Variants in RHOA observed in about 807,000 individuals in gnomAD.
RHOA encodes transforming protein RhoA.
Under a neutral mutation model 17.5 loss-of-function variants are expected in RHOA, and 3 were observed. The observed-to-expected ratio is 0.17, with a 90% confidence interval of 0.08 to 0.44. RHOA has a LOEUF of 0.44. RHOA is among the 20% of genes least tolerant of loss of function. The pLI is 0.99. For missense variants in RHOA, 56 were observed against 242.3 expected (o/e 0.23, Z 5.10); for synonymous variants, 98 against 88.4 (o/e 1.11, Z -0.61).
At chr3:49,400,908 T>TA (rs1281002940) in intron 1 of RHOA, among the ~76,000 whole-genome samples, 1 of 150,892 alleles carries the variant, frequency 6.6e-6, no homozygotes, top group Non-Finnish European at 1.5e-5. Flanking sequence ...TAGCCGGGCA[T>TA]AGTGGCGGGC....
chr3:49,387,135 A>C (rs1220527175), intron 1 of RHOA, among the ~76,000 whole-genome samples: 13 of 118,178 alleles, frequency 1.1e-4, no homozygotes, highest in South Asian at 2.6e-4. Context: ...AAAAAAAAAA[A>C]AAAAAAAAAA....
At chr3:49,365,833 C>T (rs1397362060) in intron 3 of RHOA, among the ~76,000 whole-genome samples, 4 of 152,018 alleles carry the variant, frequency 2.6e-5, no homozygotes, top group African/African-American at 9.7e-5. Flanking sequence ...TCAGGTGATC[C>T]GCCTACCTCA....
rs1392517672 is a variant in RHOA at position 49,360,204 on chromosome 3, A to G, written c.*5T>C. On this transcript the variant is annotated 3_prime_UTR_variant, in exon 5 of 5. Coordinates refer to ENST00000418115, the MANE Select transcript of RHOA (RefSeq NM_001664.4). ...CCGCATAAGGGCTGTGCTTGCAGCA[A>G]GGTTTCACAAGACAAGGCACCCAGA... 3.7e-6 allele frequency: 6 copies of G among 1,612,414 alleles called. No individual in the cohort carries two copies. Among genetic ancestry groups the G allele is most frequent in the Non-Finnish European group, 5.1e-6 (6 of 1,179,562 alleles).
chr3:49,393,713 T>C (rs1168131230), intron 1 of RHOA, among the ~76,000 whole-genome samples: 2 of 135,242 alleles, frequency 1.5e-5, no homozygotes, highest in African/African-American at 6.3e-5. Context: ...TGTGTGTGTG[T>C]GTGTGTGTGT....
intron 1 of RHOA, among the ~76,000 whole-genome samples, chr3:49,384,222 CA>C (rs1397000462): frequency 6.6e-6 from 1 of 152,128 alleles, no homozygotes; most frequent in African/African-American, 2.4e-5. Context: ...GTAAAAAGTA[CA>C]AGCACAGAAA....
chr3:49,389,392 T>A (rs1382591251), intron 1 of RHOA, among the ~76,000 whole-genome samples: 1 of 151,932 alleles, frequency 6.6e-6, no homozygotes, highest in Non-Finnish European at 1.5e-5. Flanking sequence ...AAGAAGAATG[T>A]GTGAGCTTAG....
chr3:49,411,082 G>A (rs1445182958), intron 1 of RHOA, among the ~76,000 whole-genome samples: 1 of 152,070 alleles, frequency 6.6e-6, no homozygotes, highest in Non-Finnish European at 1.5e-5. Flanking sequence ...CAGCGACTTC[G>A]ACTAAGCAAC....
At chr3:49,393,014 T>C (rs1225011377) in intron 1 of RHOA, among the ~76,000 whole-genome samples, 2 of 151,820 alleles carry the variant, frequency 1.3e-5, no homozygotes, top group Non-Finnish European at 2.9e-5. Context: ...CCGTCTCTAC[T>C]AAAAATACAA....
intron 3 of RHOA, among the ~76,000 whole-genome samples, chr3:49,363,411 G>A (rs1342179363): frequency 6.6e-6 from 1 of 152,096 alleles, no homozygotes; most frequent in Non-Finnish European, 1.5e-5. Context: ...GCAAGACTCC[G>A]TCTCAAATAA....
intron 1 of RHOA, among the ~76,000 whole-genome samples, chr3:49,381,302 G>T (rs2048312625): frequency 6.6e-6 from 1 of 151,906 alleles, no homozygotes; most frequent in Admixed American, 6.6e-5. Flanking sequence ...CTACTCGAGA[G>T]GCTGAGGCAG....
chr3:49,402,889 T>C (rs2048748327), intron 1 of RHOA, among the ~76,000 whole-genome samples: 1 of 151,292 alleles, frequency 6.6e-6, no homozygotes, highest in Non-Finnish European at 1.5e-5. Flanking sequence ...CACAAAAAAT[T>C]AGCCGGGCGT....
chr3:49,398,021 A>C (rs952245905), intron 1 of RHOA, among the ~76,000 whole-genome samples: 2 of 152,156 alleles, frequency 1.3e-5, no homozygotes, highest in African/African-American at 4.8e-5. Context: ...CAAGTCAGTG[A>C]ATTTTTTCTT....
intron 3 of RHOA, among the ~76,000 whole-genome samples, chr3:49,364,975 A>G (rs554722866): frequency 6.6e-6 from 1 of 152,238 alleles, no homozygotes; most frequent in African/African-American, 2.4e-5. Context: ...TGTCTCAAAA[A>G]AACAAAAATA....
At chr3:49,400,383 T>A (rs1575282456) in intron 1 of RHOA, among the ~76,000 whole-genome samples, 2 of 151,990 alleles carry the variant, frequency 1.3e-5, no homozygotes, top group East Asian at 3.9e-4. Flanking sequence ...CCACTACTCA[T>A]AACATTTCCC....
chr3:49,405,257 CAAAAAAAAA>C (rs56912055), intron 1 of RHOA, among the ~76,000 whole-genome samples: 1 of 110,012 alleles, frequency 9.1e-6, no homozygotes, highest in East Asian at 3.9e-4. Context: ...GACTGTGTCT[CAAAAAAAAA>C]AAAAAAAAAA....
At chr3:49,391,355 G>A (rs974213970) in intron 1 of RHOA, among the ~76,000 whole-genome samples, 13 of 150,646 alleles carry the variant, frequency 8.6e-5, no homozygotes, top group Non-Finnish European at 1.9e-4. Flanking sequence ...TCACACCACT[G>A]CACTCCAACT....
chr3:49,368,771 G>A (rs574206354), intron 2 of RHOA, among the ~76,000 whole-genome samples: 4 of 146,804 alleles, frequency 2.7e-5, no homozygotes, highest in Admixed American at 6.9e-5. Context: ...GCAGTGGCGC[G>A]ATCTCTGCTC....
chr3:49,404,377 A>C (rs2048777452), intron 1 of RHOA, among the ~76,000 whole-genome samples: 1 of 147,212 alleles, frequency 6.8e-6, no homozygotes, highest in Admixed American at 6.9e-5. Flanking sequence ...GGTGGATCAC[A>C]AGGTCAGGAG....
At chr3:49,400,743 T>C (rs2048708664) in intron 1 of RHOA, among the ~76,000 whole-genome samples, 1 of 148,890 alleles carries the variant, frequency 6.7e-6, no homozygotes, top group Admixed American at 6.8e-5. Context: ...GGGGGGATGG[T>C]ATATAAAAGG....
Sources: allele counts gnomAD v4.1 joint callset (sites outside exome capture counted in the v4.1 genomes callset), GRCh38; gene constraint gnomAD v4.1.1; transcripts MANE v1.5; gene names NCBI Gene and HGNC (gene_info 2026-07-23, HGNC 2026-07-21).